The following MBOAT7 variants were observed in gnomAD, a reference collection of about 807,000 sequenced individuals.
MBOAT7 encodes the protein membrane-bound acylglycerophosphatidylinositol O-acyltransferase MBOAT7.
A neutral mutation model predicts 47.4 loss-of-function variants in MBOAT7; 40 were observed. That is an observed-to-expected ratio of 0.84 (90% CI 0.66 to 1.10). The LOEUF (loss-of-function observed/expected upper bound fraction) is 1.10, where lower values mean the gene tolerates loss of function less well. MBOAT7 is among the 50% of genes least tolerant of loss of function. The pLI is 0.00. For synonymous variants in MBOAT7, 361 were observed against 292.0 expected, an observed-to-expected ratio of 1.24 and a Z score of -2.41; for missense variants, 680 against 655.6, an observed-to-expected ratio of 1.04 and a Z score of -0.41.
In MBOAT7 at chr19:54,174,336, TC is replaced by T; in HGVS notation, c.1126del (p.Glu376ArgfsTer12). 1.2e-6 allele frequency: 2 copies of T among 1,612,918 alleles called. No individual in the cohort carries two copies. The highest frequency in any genetic ancestry group is 1.7e-6 in the Non-Finnish European group (2 of 1,179,492). ...FLTIPLCLAA[E>X]GRLESALRGR... is the part of the protein sequence containing the mutation. ...CCGCAGGGCTGACTCCAGCCGGCCC[TC>T]GGCAGCCAGGCACAGCGGGATGGTC... On this transcript the variant is annotated frameshift_variant, in exon 8 of 8. Transcript: ENST00000245615. LOFTEE classifies it high-confidence loss of function.
At chr19:54,186,678 G>A (rs552653679) in intron 4 of MBOAT7, among the ~76,000 whole-genome samples, 1 of 152,180 alleles carries the variant, frequency 6.6e-6, no homozygotes, top group South Asian at 2.1e-4. Flanking sequence ...CTGTGTTCAC[G>A]GATAAGCCGC....
At chr19:54,174,537 A>G (rs2076024159) in intron 7 of MBOAT7, 106 bp from the exon 8 acceptor site, 1 of 1,191,788 alleles carries the variant, frequency 8.4e-7, no homozygotes, top group Non-Finnish European at 1.1e-6. Flanking sequence ...TCAGACCGAG[A>G]AGTGCAGGCC....
Position 54,178,865 on chromosome 19 carries a change from C to T in MBOAT7, c.931G>A (p.Val311Met), listed in dbSNP as rs369198461. The change falls in exon 7 of 8, where the codon GTG becomes ATG. Residue 311 changes from valine to methionine, a missense_variant. Val to Met is a conservative substitution (Grantham distance 21). Transcript: ENST00000245615. The part of the protein sequence containing the change: ...NIDCYSTDFC[V>M]RVRDGMRYWN... ...TACCGCATGCCATCGCGCACCCGCA[C>T]GCAGAAATCTGTGCTGTAGCAGTCG... The T allele has an allele frequency of 5.3e-5, 86 of 1,613,650 alleles. No individual in the cohort carries two copies. The highest frequency in any genetic ancestry group is 1.1e-4 in the African/African-American group (8 of 75,056).
chr19:54,178,195 C>G (rs1336580082), intron 7 of MBOAT7: 1 of 985,026 alleles, frequency 1.0e-6, no homozygotes, highest in Non-Finnish European at 1.2e-6. Context: ...CAGGCGTGAG[C>G]TGCCGCACCC....
At position 54,188,264 on chromosome 19, in the gene MBOAT7, A is replaced by G. The variant is rs148096052; in HGVS notation, c.159T>C (p.Ser53=). The G allele has an allele frequency of 3.1e-6, 5 of 1,613,890 alleles. No homozygotes were observed. Among genetic ancestry groups the G allele is most frequent in the Non-Finnish European group, 4.2e-6 (5 of 1,179,930 alleles). The part of the protein sequence containing the change: ...LFTCGPHTLH[S]LVTILGTWAL... ...CCCAGGTCCCGAGGATGGTGACCAG[A>G]GAATGCAAAGTGTGGGGGCCACAGG... The change falls in exon 3 of 8, where the codon TCT becomes TCC. Residue 53 remains serine (S), a synonymous_variant. Coordinates refer to ENST00000245615, the MANE Select transcript of MBOAT7 (RefSeq NM_024298.5).
chr19:54,187,715 G>A (rs1262275556), intron 3 of MBOAT7, among the ~76,000 whole-genome samples: 1 of 152,168 alleles, frequency 6.6e-6, no homozygotes, highest in African/African-American at 2.4e-5. Flanking sequence ...AGAAGGCAGG[G>A]GAGAAAGAAA....
In MBOAT7 at chr19:54,188,251, G is replaced by A. The variant is rs1036844220; in HGVS notation, c.172C>T (p.Leu58Phe). 6.2e-7 allele frequency: 1 copy of A among 1,613,848 alleles called. No individual in the cohort carries two copies. The highest frequency in any genetic ancestry group is 8.5e-7 in the Non-Finnish European group (1 of 1,179,896). ...GCCTGAATGAGGGCCCAGGTCCCGA[G>A]GATGGTGACCAGAGAATGCAAAGTG... ...PHTLHSLVTI[L>F]GTWALIQAQP... is the part of the protein sequence containing the mutation. The change falls in exon 3 of 8, where the codon CTC (leucine) becomes TTC (phenylalanine). Residue 58 changes from leucine (L) to phenylalanine (F), a missense_variant. Transcript: ENST00000245615.
chr19:54,184,729 C>T (rs992417059), intron 4 of MBOAT7, among the ~76,000 whole-genome samples: 7 of 152,012 alleles, frequency 4.6e-5, no homozygotes, highest in African/African-American at 1.7e-4. Context: ...ATGGAAAAAC[C>T]CTGTCTCTAC....
Position 54,180,452 on chromosome 19 carries a change from C to T in MBOAT7, c.854+321G>A, listed in dbSNP as rs1230630968. 7.6e-6 allele frequency: 2 copies of T among 263,324 alleles called. No homozygotes were observed. Among genetic ancestry groups the T allele is most frequent in the African/African-American group, 4.5e-5 (2 of 44,752 alleles). The allele number at this position is 263,324 out of a possible 1,614,324, so 16.3% of individuals were successfully genotyped here. ...GGCATCCCCAGCAAGCAGGAACAATCTGGTTCTGGGGGGTGACACTTCTGT... is the reference window on the plus strand; with the variant it reads ...GGCATCCCCAGCAAGCAGGAACAATTTGGTTCTGGGGGGTGACACTTCTGT... On this transcript the variant is annotated intron_variant, in intron 6 of 7. Coordinates refer to ENST00000245615, the MANE Select transcript of MBOAT7 (RefSeq NM_024298.5). The surrounding 1 kb of genome is among the most constrained non-coding windows in gnomAD (Gnocchi z 5.2).
Position 54,188,181 on chromosome 19 carries a change from CCTCCTCTCCCTCTCCT to C in MBOAT7, c.206+20_206+35del. The C allele has an allele frequency of 1.9e-6, 3 of 1,559,712 alleles. No homozygotes were observed. Among genetic ancestry groups the C allele is most frequent in the South Asian group, 2.4e-5 (2 of 84,016 alleles). On this transcript the variant is annotated intron_variant, in intron 3 of 7. Transcript: ENST00000245615. The stretch of plus-strand genomic sequence containing the variant: ...GGAAACAGGTTGCTTCCCCCTCTCC[CCTCCTCTCCCTCTCCT>C]CCCTCCACCAAATTCTCACCAGGGC...
intron 3 of MBOAT7, among the ~76,000 whole-genome samples, chr19:54,187,699 A>G (rs2076468634): frequency 6.6e-6 from 1 of 152,244 alleles, no homozygotes; most frequent in South Asian, 2.1e-4. Context: ...CACAGGGACC[A>G]GACGCAGAAG....
intron 4 of MBOAT7, among the ~76,000 whole-genome samples, chr19:54,184,022 G>C (rs555274067): frequency 6.6e-6 from 1 of 152,014 alleles, no homozygotes; most frequent in South Asian, 2.1e-4. Flanking sequence ...CACCCCAAAC[G>C]CACTGGAAAC....
intron 3 of MBOAT7, among the ~76,000 whole-genome samples, 172 bp downstream of exon 3, chr19:54,188,045 G>GA (rs1192485015): frequency 1.9e-4 from 11 of 57,022 alleles, no homozygotes; most frequent in African/African-American, 4.8e-4. Context: ...AAGAAAGAAA[G>GA]AAAGAAAGAA....
chr19:54,175,528 T>G (rs1456978516), intron 7 of MBOAT7, among the ~76,000 whole-genome samples: 2 of 152,162 alleles, frequency 1.3e-5, no homozygotes, highest in African/African-American at 2.4e-5. Context: ...GCCCAGGAGA[T>G]ATGTTCCTCT....
At position 54,180,871 on chromosome 19, in the gene MBOAT7, G is replaced by T; in HGVS notation, c.756C>A (p.Ala252=). 1 of 1,590,590 alleles carries T rather than the reference G, an allele frequency of 6.3e-7. No homozygotes were observed. The highest frequency in any genetic ancestry group is 8.5e-7 in the Non-Finnish European group (1 of 1,170,896). The stretch of plus-strand genomic sequence containing the variant: ...AGCCGGCGGCAATGCAGCCGCACTC[G>T]GCGGCAATCCAGGCCACGTAGAAGC... ...RMRFYVAWIA[A]ECGCIAAGFG... Residue 252 remains alanine (A), a synonymous_variant, in exon 6 of 8, where the codon GCC becomes GCA. Transcript: ENST00000245615. The surrounding 1 kb of genome is among the most constrained non-coding windows in gnomAD (Gnocchi z 5.2).
intron 5 of MBOAT7, 95 bp downstream of exon 5, chr19:54,183,426 T>C (rs2076340412): frequency 3.6e-6 from 5 of 1,406,456 alleles, no homozygotes; most frequent in Non-Finnish European, 4.8e-6. Context: ...AGGATGGAGG[T>C]TGCCCTGGGC....
Position 54,173,615 on chromosome 19 carries a change from A to G in MBOAT7, c.*429T>C, listed in dbSNP as rs569206914. 43 of 189,664 alleles carry G rather than the reference A, an allele frequency of 2.3e-4. No homozygotes were observed. The highest frequency in any genetic ancestry group is 9.3e-4 in the African/African-American group (40 of 42,804). The allele number at this position is 189,664 out of a possible 1,614,324, so 11.7% of individuals were successfully genotyped here. A position where few individuals can be genotyped will look rare whatever the true frequency, so the allele number is the denominator to read the frequency against. On this transcript the variant is annotated 3_prime_UTR_variant, in exon 8 of 8. Transcript: ENST00000245615. ...GCTTATGCTTCCTTCCAAGTCTGCA[A>G]TATTGGTGCGATGAGCTAAAAGTGG...
intron 4 of MBOAT7, among the ~76,000 whole-genome samples, chr19:54,184,459 C>A (rs1274660714): frequency 6.6e-6 from 1 of 152,120 alleles, no homozygotes; most frequent in African/African-American, 2.4e-5. Flanking sequence ...CTTCTTCCAG[C>A]TTGTGGCTGG....
At chr19:54,175,221 G>A (rs565401455) in intron 7 of MBOAT7, among the ~76,000 whole-genome samples, 293 of 152,206 alleles carry the variant, frequency 1.9e-3, no homozygotes, top group East Asian at 9.5e-3. Context: ...CTCGTGATCT[G>A]CCCGCCTTGG....
Sources: allele counts gnomAD v4.1 joint callset (sites outside exome capture counted in the v4.1 genomes callset), GRCh38; gene constraint gnomAD v4.1.1; non-coding constraint Gnocchi (gnomAD v3.1); transcripts MANE v1.5; gene names NCBI Gene and HGNC (gene_info 2026-07-23, HGNC 2026-07-21).